PPFIA2: variants seen among roughly 807,000 people sequenced by gnomAD.
PPFIA2 encodes PPFI scaffold protein A2.
In PPFIA2, 46 loss-of-function variants were observed where a neutral mutation model predicts 175.5. That is an observed-to-expected ratio of 0.26 (90% CI 0.21 to 0.34). The LOEUF is 0.34. Among genes scored for constraint, PPFIA2 ranks in the 10% least tolerant of loss-of-function variants. The probability of loss-of-function intolerance (pLI) is 1.00; values close to 1 mark genes in which losing one functional copy is unlikely to be tolerated. For synonymous variants in PPFIA2, 568 were observed against 511.4 expected, an observed-to-expected ratio of 1.11 and a Z score of -1.49; for missense variants, 1,179 against 1,506.1, an observed-to-expected ratio of 0.78 and a Z score of 3.60.
At chr12:81,328,293 A>T (rs2055272673) in intron 21 of PPFIA2, among the ~76,000 whole-genome samples, 1 of 152,210 alleles carries the variant, frequency 6.6e-6, no homozygotes, top group Admixed American at 6.5e-5. Context: ...TGTGAACTTC[A>T]GAAATATCTA....
intron 4 of PPFIA2, among the ~76,000 whole-genome samples, chr12:81,633,017 C>T (rs1357475541): frequency 2.6e-5 from 4 of 152,130 alleles, no homozygotes; most frequent in Non-Finnish European, 5.9e-5. Flanking sequence ...AATCACTCTG[C>T]GTTATATCCA....
At chr12:81,607,841 G>A (rs891541041) in intron 4 of PPFIA2, among the ~76,000 whole-genome samples, 6 of 152,126 alleles carry the variant, frequency 3.9e-5, no homozygotes, top group Admixed American at 1.3e-4. Flanking sequence ...TCAAATAGGC[G>A]TGGTGAGAAT....
At chr12:81,282,113 T>C (rs534710887) in intron 26 of PPFIA2, among the ~76,000 whole-genome samples, 2 of 152,148 alleles carry the variant, frequency 1.3e-5, no homozygotes, top group South Asian at 2.1e-4. Context: ...ACAAACAAAC[T>C]ATTCTTACCA....
At chr12:81,349,540 A>G (rs1678363103) in intron 17 of PPFIA2, among the ~76,000 whole-genome samples, 1 of 152,186 alleles carries the variant, frequency 6.6e-6, no homozygotes, top group African/African-American at 2.4e-5. Context: ...ACACATTTGA[A>G]AGAAAAAACT....
chr12:81,298,917 T>A (rs539316378), intron 23 of PPFIA2, among the ~76,000 whole-genome samples: 14 of 152,300 alleles, frequency 9.2e-5, no homozygotes, highest in Admixed American at 7.8e-4. Flanking sequence ...ATCTAGGTGA[T>A]CTTACTACCT....
chr12:81,753,711 C>T (rs1190765926), intron 3 of PPFIA2, among the ~76,000 whole-genome samples: 1 of 152,132 alleles, frequency 6.6e-6, no homozygotes. Flanking sequence ...TTCTACCTCC[C>T]TAAAACACAT....
At position 81,266,972 on chromosome 12, in the gene PPFIA2, T is replaced by G. The variant is rs1171810674; in HGVS notation, c.3535A>C (p.Thr1179Pro). The change falls in exon 30 of 33, where the codon ACT becomes CCT. Residue 1179 changes from threonine to proline, a missense_variant. Physicochemically the swap from Thr to Pro is conservative, Grantham distance 38. Coordinates refer to ENST00000549396, the MANE Select transcript of PPFIA2 (RefSeq NM_003625.5). The part of the protein sequence containing the change: ...REYNNLLALG[T>P]ERRLDESDDK... Reference sequence around the variant, plus strand: ...CTTACTTCATCCAGTCGCCTTTCAGTTCCCAGGGCCAAGAGGTTATTGTAT... The same window carrying G: ...CTTACTTCATCCAGTCGCCTTTCAGGTCCCAGGGCCAAGAGGTTATTGTAT... The G allele has an allele frequency of 6.2e-7, 1 of 1,613,012 alleles. No individual in the cohort carries two copies. Among genetic ancestry groups the G allele is most frequent in the Non-Finnish European group, 8.5e-7 (1 of 1,179,338 alleles).
intron 4 of PPFIA2, chr12:81,598,297 G>A: frequency 8.3e-7 from 1 of 1,209,434 alleles, no homozygotes; most frequent in Non-Finnish European, 1.0e-6. Context: ...AACACAGAAG[G>A]AAAAAAGCAA....
intron 16 of PPFIA2, among the ~76,000 whole-genome samples, chr12:81,356,073 T>C (rs2060807229): frequency 6.6e-6 from 1 of 152,206 alleles, no homozygotes; most frequent in Non-Finnish European, 1.5e-5. Flanking sequence ...TTGCTAGCTT[T>C]TGACTTAGTG....
At chr12:81,558,072 A>G (rs749395602) in intron 4 of PPFIA2, among the ~76,000 whole-genome samples, 5 of 152,048 alleles carry the variant, frequency 3.3e-5, no homozygotes, top group Non-Finnish European at 7.4e-5. Flanking sequence ...TTCTTAAGAT[A>G]CTCCATTTAT....
chr12:81,495,832 A>G (rs932037574), intron 4 of PPFIA2, among the ~76,000 whole-genome samples: 1 of 152,188 alleles, frequency 6.6e-6, no homozygotes, highest in Non-Finnish European at 1.5e-5. Context: ...AAACAAAACA[A>G]AAGTATAATA....
At chr12:81,701,147 C>T (rs770363697) in intron 3 of PPFIA2, among the ~76,000 whole-genome samples, 1 of 152,172 alleles carries the variant, frequency 6.6e-6, no homozygotes, top group South Asian at 2.1e-4. Flanking sequence ...TGCATTTTCT[C>T]ATCTGTGAGA....
intron 4 of PPFIA2, among the ~76,000 whole-genome samples, chr12:81,552,283 AAG>A (rs1417027972): frequency 1.3e-5 from 2 of 151,884 alleles, no homozygotes; most frequent in Non-Finnish European, 2.9e-5. Flanking sequence ...AGGAGAAAGT[AAG>A]AAAACCTTCT....
At chr12:81,716,523 C>T (rs1193427843) in intron 3 of PPFIA2, among the ~76,000 whole-genome samples, 9 of 150,818 alleles carry the variant, frequency 6.0e-5, no homozygotes, top group African/African-American at 2.2e-4. Flanking sequence ...AGTTCTTCAA[C>T]TAGATAGTAA....
chr12:81,572,490 A>G (rs1045254926), intron 4 of PPFIA2, among the ~76,000 whole-genome samples: 1 of 151,972 alleles, frequency 6.6e-6, no homozygotes, highest in Admixed American at 6.6e-5. Context: ...CTCAATTAGA[A>G]CAGTCACTCT....
intron 3 of PPFIA2, among the ~76,000 whole-genome samples, chr12:81,691,096 T>G (rs2075188365): frequency 6.6e-6 from 1 of 152,042 alleles, no homozygotes; most frequent in African/African-American, 2.4e-5. Flanking sequence ...ATGCAGACAT[T>G]TTGGGGGTTC....
intron 8 of PPFIA2, among the ~76,000 whole-genome samples, chr12:81,387,648 G>A (rs997236143): frequency 6.6e-6 from 1 of 151,998 alleles, no homozygotes; most frequent in Non-Finnish European, 1.5e-5. Flanking sequence ...ATCTTATGGT[G>A]GTCTAGTTAC....
At chr12:81,545,272 T>A (rs189703736) in intron 4 of PPFIA2, 1 of 152,326 alleles carries the variant, frequency 6.6e-6, no homozygotes, top group Admixed American at 6.5e-5. Flanking sequence ...AAATATAAAG[T>A]GAAGAAAAAT....
At chr12:81,539,062 G>A (rs1358939774) in intron 4 of PPFIA2, among the ~76,000 whole-genome samples, 1 of 151,962 alleles carries the variant, frequency 6.6e-6, no homozygotes, top group African/African-American at 2.4e-5. Flanking sequence ...GTTGTATTGT[G>A]TGAAAGAGAG....
Sources: gnomAD v4.1 joint callset for allele counts (sites outside exome capture counted in the v4.1 genomes callset) on GRCh38, gnomAD v4.1.1 for gene constraint, MANE v1.5 for transcripts, NCBI Gene and HGNC (gene_info 2026-07-23, HGNC 2026-07-21) for gene names.